SCN4A: variants seen among roughly 807,000 people sequenced by gnomAD.
SCN4A encodes the protein sodium channel protein type 4 subunit alpha.
A neutral mutation model predicts 162.0 loss-of-function variants in SCN4A; 83 were observed. That is an observed-to-expected ratio of 0.51 (90% CI 0.43 to 0.61). The LOEUF is 0.61. SCN4A is among the 20% of genes least tolerant of loss of function. SCN4A has a pLI of 0.00. For missense variants in SCN4A, 2,196 were observed against 2,462.5 expected, an observed-to-expected ratio of 0.89 and a Z score of 2.29; for synonymous variants, 944 against 985.1, an observed-to-expected ratio of 0.96 and a Z score of 0.78.
At chr17:63,966,913 C>T (rs1909466175) in intron 6 of SCN4A, among the ~76,000 whole-genome samples, 1 of 152,196 alleles carries the variant, frequency 6.6e-6, no homozygotes, top group South Asian at 2.1e-4. Context: ...AGAAGGGTTA[C>T]CTTTTCCTAA....
intron 14 of SCN4A, 164 bp from the exon 15 acceptor site, chr17:63,949,692 C>T (rs922309389): frequency 1.9e-5 from 15 of 783,622 alleles, no homozygotes; most frequent in Admixed American, 3.1e-5. Flanking sequence ...CGAGGAACCA[C>T]GGGGACGTAG....
chr17:63,963,614 TC>T, intron 10 of SCN4A, 57 bp downstream of exon 10: 1 of 1,468,966 alleles, frequency 6.8e-7, no homozygotes, highest in Non-Finnish European at 9.0e-7. Flanking sequence ...TCCTCCTGAA[TC>T]CAGTCCAGCC....
At chr17:63,946,503 A>C (rs1597970113) in intron 18 of SCN4A, among the ~76,000 whole-genome samples, 1 of 76,526 alleles carries the variant, frequency 1.3e-5, no homozygotes, top group Admixed American at 2.1e-4. Context: ...TTTACCTGCC[A>C]CTTCCGCTCT....
rs368045649 is a variant in SCN4A at position 63,947,695 on chromosome 17, T to C, written c.3318+195A>G. Among the ~76,000 whole-genome samples the C allele has an allele frequency of 1.4e-3, 209 of 152,346 alleles. 1 individual carries two copies. Among genetic ancestry groups the C allele is most frequent in the Middle Eastern group, 0.014 (4 of 294 alleles). ...GTCTTCCCCCAAGGCCTCCTTTCCC[T>C]GAGGAGAAGGGAAGGCCTCCCAGTC... On this transcript the variant is annotated intron_variant, in intron 17 of 23. Coordinates refer to ENST00000435607, the MANE Select transcript of SCN4A (RefSeq NM_000334.4).
chr17:63,945,486 G>GA lies in SCN4A; in HGVS notation c.3593dup (p.Asp1199ArgfsTer10). 1.2e-6 allele frequency: 2 copies of GA among 1,613,976 alleles called. No homozygotes were observed. Among genetic ancestry groups the GA allele is most frequent in the Non-Finnish European group, 1.7e-6 (2 of 1,179,862 alleles). On this transcript the variant is annotated frameshift_variant, in exon 19 of 24. Transcript: ENST00000435607. LOFTEE classifies it high-confidence loss of function. The surrounding 1 kb of genome is among the most constrained non-coding windows in gnomAD (Gnocchi z 4.4). ...ACTTGTTGTTGACCTCGGAGATGTC[G>GA]AACCTCTCAGAGGTGGTGGTGTTGA...
In SCN4A at chr17:63,971,371, G is replaced by T. The variant is rs933443197; in HGVS notation, c.612-118C>A. 9 of 688,898 alleles carry T rather than the reference G, an allele frequency of 1.3e-5. No homozygotes were observed. The African/African-American group carries it at 1.4e-4, about 11-fold the overall frequency. The allele number at this position is 688,898 out of a possible 1,614,324, so 42.7% of individuals were successfully genotyped here. On this transcript the variant is annotated intron_variant, in intron 4 of 23. Coordinates refer to ENST00000435607, the MANE Select transcript of SCN4A (RefSeq NM_000334.4). Reference sequence around the variant, plus strand: ...TCCCAAGAAATTGGGGGTACCACAGGGTCTGGGGGGCAGGGCAGACACCCC... The same window carrying T: ...TCCCAAGAAATTGGGGGTACCACAGTGTCTGGGGGGCAGGGCAGACACCCC...
chr17:63,959,516 T>G, intron 11 of SCN4A, 78 bp from the exon 12 acceptor site: 1 of 1,402,170 alleles, frequency 7.1e-7, no homozygotes, highest in Admixed American at 1.9e-5. Context: ...AACTCCCACC[T>G]CCTGGCAGAG....
Position 63,940,797 on chromosome 17 carries a change from G to A in SCN4A, c.5485C>T (p.Pro1829Ser). 6.3e-7 allele frequency: 1 copy of A among 1,588,734 alleles called. No individual in the cohort carries two copies. Among genetic ancestry groups the A allele is most frequent in the Non-Finnish European group, 8.6e-7 (1 of 1,165,442 alleles). Residue 1829 changes from proline to serine, a missense_variant, in exon 24 of 24, where the codon CCA becomes TCA. Transcript: ENST00000435607. ...TAGACAAGAGACTCCTTGACACCTG[G>A]GCGCACAGTCTGCCCTGGGGGAGGG... ...PAPPPGQTVRPGVKESLV is the reference protein window; with the variant it reads ...PAPPPGQTVRSGVKESLV
intron 4 of SCN4A, among the ~76,000 whole-genome samples, chr17:63,971,455 G>T (rs1909606787): frequency 6.6e-6 from 1 of 152,154 alleles, no homozygotes; most frequent in Non-Finnish European, 1.5e-5. Context: ...CTGGGGGAGT[G>T]GGGATGGCAA....
Position 63,972,375 on chromosome 17 carries a change from C to T in SCN4A, c.369G>A (p.Gly123=). The part of the protein sequence containing the change: ...LLSPFSVVRR[G]AIKVLIHALF... The stretch of plus-strand genomic sequence containing the variant: ...ATGCATGGATGAGCACCTTGATGGC[C>T]CCGCGCCTGACTACGCTGAAGGGGC... The change falls in exon 2 of 24, where the codon GGG becomes GGA. Residue 123 remains glycine, a synonymous_variant. Transcript: ENST00000435607. This position sits in a 1 kb window ranked among gnomAD's most constrained non-coding sequence, Gnocchi z 4.3. 5 of 1,613,878 alleles carry T rather than the reference C, an allele frequency of 3.1e-6. 1 individual carries two copies. Among genetic ancestry groups the T allele is most frequent in the South Asian group, 2.2e-5 (2 of 91,066 alleles).
Position 63,944,552 on chromosome 17 carries a change from G to T in SCN4A, c.3912+121C>A. The T allele has an allele frequency of 8.6e-7, 1 of 1,168,918 alleles. No individual in the cohort carries two copies. The highest frequency in any genetic ancestry group is 1.2e-6 in the Non-Finnish European group (1 of 836,674). The allele number at this position is 1,168,918 out of a possible 1,614,324, so 72.4% of individuals were successfully genotyped here. On this transcript the variant is annotated intron_variant, in intron 21 of 23. Transcript: ENST00000435607. The surrounding 1 kb of genome is among the most constrained non-coding windows in gnomAD (Gnocchi z 4.3). ...GGACTGGGACCCAAGCTAGCTGCCTGAACCAACAACCTGGTAGGTGCTCAG... is the reference window on the plus strand; with the variant it reads ...GGACTGGGACCCAAGCTAGCTGCCTTAACCAACAACCTGGTAGGTGCTCAG...
rs8075954 is a variant in SCN4A, at chr17:63,946,881, C to G, written c.3441+164G>C. Among the ~76,000 whole-genome samples the G allele has an allele frequency of 0.047, 7,108 of 151,918 alleles. 534 individuals carry two copies. The highest frequency in any genetic ancestry group is 0.16 in the African/African-American group (6,609 of 41,372). On this transcript the variant is annotated intron_variant, in intron 18 of 23. Transcript: ENST00000435607. The stretch of plus-strand genomic sequence containing the variant: ...AGAAGATGGCCTGCGGGGAGGACAG[C>G]TAGGGGAGGTGGGGGCCAGACCTGG...
At chr17:63,971,034 C>T in intron 5 of SCN4A, 128 bp downstream of exon 5, 1 of 680,916 alleles carries the variant, frequency 1.5e-6, no homozygotes, top group Admixed American at 2.2e-5. Context: ...CCTGTATGTC[C>T]AGGCTTTGCT....
At chr17:63,966,576 G>A (rs988255750) in intron 6 of SCN4A, 32 bp from the exon 7 acceptor site, 4 of 1,566,082 alleles carry the variant, frequency 2.6e-6, no homozygotes, top group Non-Finnish European at 3.5e-6. Flanking sequence ...AAGGAGGCAA[G>A]TCACCCACAT....
chr17:63,958,468 T>TGG (rs561596821), intron 12 of SCN4A, among the ~76,000 whole-genome samples: 17 of 152,374 alleles, frequency 1.1e-4, no homozygotes, highest in Admixed American at 7.2e-4. Context: ...TGATAGTTGT[T>TGG]GAAGCTGGGT....
intron 18 of SCN4A, among the ~76,000 whole-genome samples, chr17:63,946,470 C>A (rs866413991): frequency 1.4e-4 from 18 of 131,200 alleles, no homozygotes; most frequent in South Asian, 5.2e-4. Flanking sequence ...TTGCCCCCCC[C>A]CCCACCCCGC....
intron 14 of SCN4A, 41 bp from the exon 15 acceptor site, chr17:63,949,569 G>T (rs751065096): frequency 1.2e-5 from 19 of 1,559,826 alleles, no homozygotes; most frequent in Non-Finnish European, 1.6e-5. Flanking sequence ...GGGTCCCTGA[G>T]AGACCCCCTC....
intron 12 of SCN4A, among the ~76,000 whole-genome samples, 180 bp from the exon 13 acceptor site, chr17:63,957,698 T>C (rs1220936200): frequency 6.6e-6 from 1 of 152,008 alleles, no homozygotes; most frequent in Non-Finnish European, 1.5e-5. Flanking sequence ...AGGCCCTTCA[T>C]GTGTTAAAAA....
rs1271254659 is a variant in SCN4A, at chr17:63,968,242, T to G, written c.817A>C (p.Met273Leu). 1.2e-6 allele frequency: 2 copies of G among 1,614,096 alleles called. No homozygotes were observed. Among genetic ancestry groups the G allele is most frequent in the Non-Finnish European group, 1.7e-6 (2 of 1,179,978 alleles). ...ACACACTTCTGCCTCAGGTTTCCCA[T>G]GAAGAGCTGCAGTCCTACCAGCGCA... ...VFALVGLQLF[M>L]GNLRQKCVRW... The change falls in exon 6 of 24, where the codon ATG becomes CTG. Residue 273 changes from methionine to leucine, a missense_variant. Physicochemically the swap from Met to Leu is conservative, Grantham distance 15. Coordinates refer to ENST00000435607, the MANE Select transcript of SCN4A (RefSeq NM_000334.4).
Sources: gnomAD v4.1 joint callset for allele counts (sites outside exome capture counted in the v4.1 genomes callset) on GRCh38, gnomAD v4.1.1 for gene constraint, Gnocchi (gnomAD v3.1) non-coding constraint, MANE v1.5 for transcripts, NCBI Gene and HGNC (gene_info 2026-07-23, HGNC 2026-07-21) for gene names.